MYNN: variants seen among roughly 807,000 people sequenced by gnomAD.
MYNN encodes the protein myoneurin.
MYNN carries 22 observed loss-of-function variants against 57.2 expected under a neutral mutation model. The observed-to-expected ratio is 0.38, with a 90% CI of 0.27 to 0.55. MYNN has a LOEUF of 0.55. Among genes scored for constraint, MYNN ranks in the 20% least tolerant of loss-of-function variants. MYNN has a pLI of 0.71. For missense variants in MYNN, 566 were observed against 723.1 expected, an observed-to-expected ratio of 0.78 and a Z score of 2.49; for synonymous variants, 241 against 257.1, an observed-to-expected ratio of 0.94 and a Z score of 0.60.
chr3:169,787,763 G>A lies in MYNN; in HGVS notation c.*1085G>A, dbSNP rs1206793250. The stretch of plus-strand genomic sequence containing the variant: ...ATAAATTAAACCACAACTTTTGGTG[G>A]TGGTTGTAGTTTCACAATGGTCCTT... On this transcript the variant is annotated 3_prime_UTR_variant, in exon 8 of 8. Coordinates refer to ENST00000349841, the MANE Select transcript of MYNN (RefSeq NM_018657.5). 1 of 152,012 alleles carries A rather than the reference G, an allele frequency of 6.6e-6. No individual in the cohort carries two copies. The highest frequency in any genetic ancestry group is 1.9e-4 in the East Asian group (1 of 5,196). The allele number at this position is 152,012 out of a possible 1,614,324, so 9.4% of individuals were successfully genotyped here. A position where few individuals can be genotyped will look rare whatever the true frequency, so the allele number is the denominator to read the frequency against.
At chr3:169,781,305 A>T (rs1778509077) in intron 4 of MYNN, among the ~76,000 whole-genome samples, 1 of 152,226 alleles carries the variant, frequency 6.6e-6, no homozygotes, top group Non-Finnish European at 1.5e-5. Context: ...GTGGAAGTGC[A>T]GGAATTTACG....
At position 169,779,040 on chromosome 3, in the gene MYNN, A is replaced by C; in HGVS notation, c.539A>C (p.Lys180Thr). ...GALAKKSSQT[K>T]KKKKAFNSPK... The stretch of plus-strand genomic sequence containing the variant: ...TTAGCGAAAAAGTCATCTCAAACGA[A>C]AAAGAAGAAGAAGGCTTTCAACTCC... The change falls in exon 3 of 8, where the codon AAA becomes ACA. Residue 180 changes from lysine to threonine, a missense_variant. By Grantham distance (78) the Lys-to-Thr change is moderately conservative. Coordinates refer to ENST00000349841, the MANE Select transcript of MYNN (RefSeq NM_018657.5). 3 of 1,614,116 alleles carry C rather than the reference A, an allele frequency of 1.9e-6. No individual in the cohort carries two copies. Among genetic ancestry groups the C allele is most frequent in the South Asian group, 1.1e-5 (1 of 91,090 alleles).
chr3:169,774,653 C>T, intron 2 of MYNN, 92 bp downstream of exon 2: 1 of 1,209,408 alleles, frequency 8.3e-7, no homozygotes, highest in Non-Finnish European at 1.2e-6. Flanking sequence ...ATTCTCTGAA[C>T]TCAAATTCTT....
At chr3:169,775,951 G>A (rs1373141626) in intron 2 of MYNN, among the ~76,000 whole-genome samples, 2 of 152,038 alleles carry the variant, frequency 1.3e-5, no homozygotes, top group Admixed American at 1.3e-4. Flanking sequence ...GGGGAGGGGA[G>A]GGAGAGAAAA....
chr3:169,781,156 A>G (rs1334482815), intron 4 of MYNN, among the ~76,000 whole-genome samples: 1 of 152,248 alleles, frequency 6.6e-6, no homozygotes, highest in Non-Finnish European at 1.5e-5. Flanking sequence ...AAAGTTAGAA[A>G]TAATAGAATT....
chr3:169,779,725 G>T, intron 3 of MYNN, 164 bp downstream of exon 3: 1 of 716,358 alleles, frequency 1.4e-6, no homozygotes, highest in Non-Finnish European at 2.2e-6. Flanking sequence ...ATTTGTAATT[G>T]TAACCAAGTA....
chr3:169,776,879 T>C (rs1309093595), intron 2 of MYNN, among the ~76,000 whole-genome samples: 1 of 152,076 alleles, frequency 6.6e-6, no homozygotes, highest in Admixed American at 6.6e-5. Context: ...AATTTTTGTA[T>C]TTTGTAGATA....
chr3:169,785,615 AAG>A (rs1670524091), intron 7 of MYNN, among the ~76,000 whole-genome samples: 2 of 152,164 alleles, frequency 1.3e-5, no homozygotes, highest in South Asian at 4.1e-4. Flanking sequence ...TGGAGATGGG[AAG>A]AGAGGATTCA....
At chr3:169,779,766 A>G in intron 3 of MYNN, 1 of 551,020 alleles carries the variant, frequency 1.8e-6, no homozygotes, top group Non-Finnish European at 3.2e-6. Context: ...TAATGCATCA[A>G]CTCCTTATAC....
chr3:169,779,107 C>T lies in MYNN; in HGVS notation c.606C>T (p.Asp202=). The change falls in exon 3 of 8, where the codon GAC becomes GAT. Residue 202 remains aspartate, a synonymous_variant. Transcript: ENST00000349841. ...ATAAAACAGTGCAATATCCCAGTGACATCTTAGAGAATGCATCTGTTGAAT... is the reference window on the plus strand; with the variant it reads ...ATAAAACAGTGCAATATCCCAGTGATATCTTAGAGAATGCATCTGTTGAAT... The part of the protein sequence containing the change: ...GQNKTVQYPS[D]ILENASVELF... The T allele has an allele frequency of 1.9e-6, 3 of 1,614,170 alleles. No individual in the cohort carries two copies. Among genetic ancestry groups the T allele is most frequent in the Non-Finnish European group, 1.7e-6 (2 of 1,180,004 alleles).
At chr3:169,773,872 A>G in intron 1 of MYNN, among the ~76,000 whole-genome samples, 1 of 152,226 alleles carries the variant, frequency 6.6e-6, no homozygotes, top group East Asian at 1.9e-4. Context: ...ACTTGAGAGC[A>G]GTTTTTAAAA....
rs1778681311 is a variant in MYNN at position 169,786,463 on chromosome 3, G to A, written c.1618G>A (p.Glu540Lys). 1 of 1,613,384 alleles carries A rather than the reference G, an allele frequency of 6.2e-7. No individual in the cohort carries two copies. The highest frequency in any genetic ancestry group is 1.1e-5 in the South Asian group (1 of 91,062). ...CAGTGCAGAGGATCATACTTTGAGT[G>A]AACAGGATTCCATACAAAAAAGTCC... ...DSSAEDHTLS[E>K]QDSIQKSPLS... Residue 540 changes from glutamate (E) to lysine (K), a missense_variant, in exon 8 of 8, where the codon GAA (glutamate) becomes AAA (lysine). By Grantham distance (56) the Glu-to-Lys change is moderately conservative. Coordinates refer to ENST00000349841, the MANE Select transcript of MYNN (RefSeq NM_018657.5).
intron 2 of MYNN, chr3:169,778,339 CAG>C (rs1778408323): frequency 6.3e-6 from 1 of 157,854 alleles, no homozygotes; most frequent in Non-Finnish European, 1.4e-5. Context: ...AAGTCCCTCA[CAG>C]GGGAGCAGGA....
intron 2 of MYNN, chr3:169,778,130 G>A (rs1778400675): frequency 6.6e-6 from 1 of 151,226 alleles, no homozygotes; most frequent in Admixed American, 6.7e-5. Context: ...GCTGACGCAG[G>A]AGCCCAGGAG....
chr3:169,787,508 C>A lies in MYNN; in HGVS notation c.*830C>A, dbSNP rs189371343. The A allele has an allele frequency of 6.6e-6, 1 of 152,164 alleles. No homozygotes were observed. Among genetic ancestry groups the A allele is most frequent in the East Asian group, 1.9e-4 (1 of 5,190 alleles). The allele number at this position is 152,164 out of a possible 1,614,324, so 9.4% of individuals were successfully genotyped here. ...GAAATATTTTGGTAAGCCTCTCTTACTCCTGTTATGCACTTTTTAAAATAA... is the reference window on the plus strand; with the variant it reads ...GAAATATTTTGGTAAGCCTCTCTTAATCCTGTTATGCACTTTTTAAAATAA... On this transcript the variant is annotated 3_prime_UTR_variant, in exon 8 of 8. Coordinates refer to ENST00000349841, the MANE Select transcript of MYNN (RefSeq NM_018657.5).
At chr3:169,774,005 G>A (rs1425568040) in intron 1 of MYNN, 1 of 362,418 alleles carries the variant, frequency 2.8e-6, no homozygotes, top group Non-Finnish European at 5.0e-6. Flanking sequence ...ATGTGAAAGC[G>A]TCAGGTTTTG....
chr3:169,786,622 T>G lies in MYNN; in HGVS notation c.1777T>G (p.Ser593Ala), dbSNP rs1273866091. 2 of 1,613,438 alleles carry G rather than the reference T, an allele frequency of 1.2e-6. No individual in the cohort carries two copies. The highest frequency in any genetic ancestry group is 1.3e-5 in the African/African-American group (1 of 74,912). ...QSPTSDTLLR[S>A]TVNGYSEPQL... ...TCCTACATCAGATACATTGTTGAGG[T>G]CAACTGTGAATGGGTATTCAGAACC... is the stretch of plus-strand genomic sequence containing the variant. Residue 593 changes from serine (S) to alanine (A), a missense_variant, in exon 8 of 8, where the codon TCA (serine) becomes GCA (alanine). By Grantham distance (99) the Ser-to-Ala change is moderately conservative (BLOSUM62 1). Around this residue, in one of 4 missense-constraint regions of MYNN, gnomAD observed 156 missense variants for 163.9 expected, o/e 0.95. Coordinates refer to ENST00000349841, the MANE Select transcript of MYNN (RefSeq NM_018657.5).
chr3:169,773,881 A>C (rs1778249213), intron 1 of MYNN: 1 of 157,036 alleles, frequency 6.4e-6, no homozygotes, highest in Non-Finnish European at 1.4e-5. Flanking sequence ...CAGTTTTTAA[A>C]AACTCGTACT....
intron 2 of MYNN, among the ~76,000 whole-genome samples, chr3:169,774,845 A>G (rs895505555): frequency 1.3e-5 from 2 of 152,088 alleles, no homozygotes; most frequent in African/African-American, 2.4e-5. Flanking sequence ...CAATGAATTT[A>G]TTTTATTTTA....
Sources: allele counts gnomAD v4.1 joint callset (sites outside exome capture counted in the v4.1 genomes callset), GRCh38; gene constraint gnomAD v4.1.1; regional missense constraint gnomAD v4.1.1; transcripts MANE v1.5; gene names NCBI Gene and HGNC (gene_info 2026-07-23, HGNC 2026-07-21).